The following SLC25A24 variants were observed in gnomAD, a reference collection of about 807,000 sequenced individuals.
The protein encoded by SLC25A24 is mitochondrial adenyl nucleotide antiporter SLC25A24.
A neutral mutation model predicts 60.7 loss-of-function variants in SLC25A24; 49 were observed. The observed-to-expected ratio is 0.81, with a 90% CI of 0.64 to 1.02. The LOEUF (loss-of-function observed/expected upper bound fraction) is 1.02, where lower values mean the gene tolerates loss of function less well. Ranked by LOEUF, SLC25A24 falls within the 50% of genes least tolerant of loss-of-function variation. SLC25A24 has a pLI of 0.00. For synonymous variants in SLC25A24, 202 were observed against 200.6 expected (o/e 1.01, Z -0.06); for missense variants, 564 against 586.3 (o/e 0.96, Z 0.39).
intron 3 of SLC25A24, among the ~76,000 whole-genome samples, chr1:108,168,967 G>A (rs529417290): frequency 6.6e-6 from 1 of 152,236 alleles, no homozygotes; most frequent in South Asian, 2.1e-4. Flanking sequence ...AGCTGTTATA[G>A]TTTAACTTTC....
intron 3 of SLC25A24, among the ~76,000 whole-genome samples, chr1:108,175,612 C>T (rs1486651415): frequency 6.6e-6 from 1 of 151,926 alleles, no homozygotes; most frequent in African/African-American, 2.4e-5. Flanking sequence ...ATCAATTGAG[C>T]CAGGGAAGTT....
chr1:108,171,194 A>G (rs1647448495), intron 3 of SLC25A24, among the ~76,000 whole-genome samples: 1 of 151,978 alleles, frequency 6.6e-6, no homozygotes. Flanking sequence ...ATACTCAACT[A>G]CTACAGTTTC....
chr1:108,158,722 G>T (rs61797040), intron 4 of SLC25A24, among the ~76,000 whole-genome samples: 1 of 142,040 alleles, frequency 7.0e-6, no homozygotes, highest in African/African-American at 2.6e-5. Flanking sequence ...AAAAAAAAAG[G>T]CCGGGCACAG....
rs553258453 is a variant in SLC25A24, at chr1:108,141,954, A to G, written c.1098+1589T>C. On this transcript the variant is annotated intron_variant, in intron 8 of 9. Coordinates refer to ENST00000565488, the MANE Select transcript of SLC25A24 (RefSeq NM_013386.5). ...TTGCACAACAAACCACAAACAGTTA[A>G]CACTTACTGTACTATATATTTAAAA... Among the ~76,000 whole-genome samples, 396 of 152,330 alleles carry G rather than the reference A, an allele frequency of 2.6e-3. 1 individual carries two copies. Among genetic ancestry groups the G allele is most frequent in the African/African-American group, 9.0e-3 (376 of 41,564 alleles).
chr1:108,180,621 T>C (rs1241971161), intron 3 of SLC25A24, among the ~76,000 whole-genome samples: 1 of 4,852 alleles, frequency 2.1e-4, no homozygotes, highest in African/African-American at 4.0e-4. Context: ...GAAAGATCTC[T>C]CTCTCTCTCT....
At chr1:108,136,871 C>A in intron 9 of SLC25A24, 34 bp from the exon 10 acceptor site, 1 of 1,563,712 alleles carries the variant, frequency 6.4e-7, no homozygotes, top group South Asian at 1.1e-5. Context: ...ATTTAATATT[C>A]AAGTATGTTT....
In SLC25A24 at chr1:108,184,393, G is replaced by C. The variant is rs1268742312; in HGVS notation, c.310+1435C>G. On this transcript the variant is annotated intron_variant, in intron 2 of 9. Coordinates refer to ENST00000565488, the MANE Select transcript of SLC25A24 (RefSeq NM_013386.5). ...GAAAGAAAACTGAGTTTTGCTAGAA[G>C]ACTGGACTAAGGCTAGACTTAGGGG... is the stretch of plus-strand genomic sequence containing the variant. Among the ~76,000 whole-genome samples the C allele has an allele frequency of 2.6e-5, 4 of 152,324 alleles. No individual in the cohort carries two copies. In the East Asian group the frequency reaches 5.8e-4, roughly 22 times the overall value.
At position 108,148,355 on chromosome 1, in the gene SLC25A24, T is replaced by A; in HGVS notation, c.854A>T (p.Lys285Ile). The part of the protein sequence containing the change: ...YKKLLTEEGQ[K>I]IGTFERFISG... ...AATAAATCTCTCAAATGTTCCTATT[T>A]TTTGTCCTTCTTCAGTAAGTAACTT... Residue 285 changes from lysine to isoleucine, a missense_variant, in exon 7 of 10, where the codon AAA becomes ATA. Physicochemically the swap from Lys to Ile is moderately radical, Grantham distance 102. Transcript: ENST00000565488. 1 of 1,612,774 alleles carries A rather than the reference T, an allele frequency of 6.2e-7. No individual in the cohort carries two copies. The highest frequency in any genetic ancestry group is 1.1e-5 in the South Asian group (1 of 91,052).
In SLC25A24 at chr1:108,200,208, A is replaced by G; in HGVS notation, c.-70T>C. 7.0e-7 allele frequency: 1 copy of G among 1,419,336 alleles called. No individual in the cohort carries two copies. The highest frequency in any genetic ancestry group is 9.3e-7 in the Non-Finnish European group (1 of 1,080,668). 87.9% of individuals were successfully genotyped at this position (1,419,336 alleles called of 1,614,324 possible). A position where few individuals can be genotyped will look rare whatever the true frequency, so the allele number is the denominator to read the frequency against. ...TCGAGGGCTGCGGGGCGAGACCGGG[A>G]CCAGCGCGAGGCCGGGCTGGGCGGG... On this transcript the variant is annotated 5_prime_UTR_variant, in exon 1 of 10. Coordinates refer to ENST00000565488, the MANE Select transcript of SLC25A24 (RefSeq NM_013386.5).
intron 8 of SLC25A24, among the ~76,000 whole-genome samples, chr1:108,140,738 T>C (rs1679422302): frequency 1.3e-5 from 2 of 151,100 alleles, no homozygotes; most frequent in African/African-American, 4.9e-5. Context: ...ATGCTTTATG[T>C]AGTTGCAATG....
intron 1 of SLC25A24, among the ~76,000 whole-genome samples, chr1:108,197,252 C>T (rs1209708382): frequency 6.6e-6 from 1 of 152,134 alleles, no homozygotes; most frequent in Admixed American, 6.5e-5. Flanking sequence ...ACATTCTACT[C>T]TTATTTCTAC....
At position 108,155,155 on chromosome 1, in the gene SLC25A24, G is replaced by A; in HGVS notation, c.670-20C>T. 6.3e-7 allele frequency: 1 copy of A among 1,598,316 alleles called. No individual in the cohort carries two copies. The highest frequency in any genetic ancestry group is 8.5e-7 in the Non-Finnish European group (1 of 1,171,912). ...GTGAACCTAAAAATAAAAGCAGAAT[G>A]ATATAAAATGCTGGTGGCATATTAC... On this transcript the variant is annotated intron_variant, in intron 5 of 9. Transcript: ENST00000565488.
chr1:108,159,268 C>T (rs191105297), intron 4 of SLC25A24, among the ~76,000 whole-genome samples: 235 of 152,216 alleles, frequency 1.5e-3, no homozygotes, highest in South Asian at 3.9e-3. Context: ...TCTGACCAAA[C>T]AAGGACACAG....
chr1:108,151,411 T>G (rs976258710), intron 6 of SLC25A24, among the ~76,000 whole-genome samples: 2 of 152,182 alleles, frequency 1.3e-5, no homozygotes, highest in African/African-American at 4.8e-5. Context: ...ATTTCATTAC[T>G]TCACAGAAGC....
intron 3 of SLC25A24, among the ~76,000 whole-genome samples, chr1:108,161,762 A>G (rs551902706): frequency 6.6e-6 from 1 of 152,308 alleles, no homozygotes; most frequent in South Asian, 2.1e-4. Context: ...AGCTATTATA[A>G]AAAATCAAAC....
intron 3 of SLC25A24, among the ~76,000 whole-genome samples, chr1:108,167,430 A>G (rs1327733638): frequency 6.6e-6 from 1 of 152,166 alleles, no homozygotes; most frequent in African/African-American, 2.4e-5. Flanking sequence ...CTGCTGTGCT[A>G]GCAATCAGCG....
chr1:108,192,604 T>C, intron 1 of SLC25A24: 1 of 1,497,354 alleles, frequency 6.7e-7, no homozygotes, highest in Middle Eastern at 1.7e-4. Flanking sequence ...AAAAGAGATC[T>C]CCGTAGAGGG....
rs955977777 is a variant in SLC25A24, at chr1:108,134,904, G to A, written c.*1749C>T. The stretch of plus-strand genomic sequence containing the variant: ...CAGAAATATACTATCTTCAACTCTC[G>A]GCTTTTTTCCAAAAGATACAGAATC... On this transcript the variant is annotated 3_prime_UTR_variant, in exon 10 of 10. Coordinates refer to ENST00000565488, the MANE Select transcript of SLC25A24 (RefSeq NM_013386.5). 5 of 151,788 alleles carry A rather than the reference G, an allele frequency of 3.3e-5. No individual in the cohort carries two copies. The highest frequency in any genetic ancestry group is 1.9e-4 in the East Asian group (1 of 5,162). 9.4% of individuals were successfully genotyped at this position (151,788 alleles called of 1,614,324 possible).
Position 108,186,544 on chromosome 1 carries a change from G to C in SLC25A24, c.184-590C>G, listed in dbSNP as rs539120436. Among the ~76,000 whole-genome samples the C allele has an allele frequency of 4.6e-5, 7 of 152,222 alleles. No individual in the cohort carries two copies. The East Asian group carries it at 1.2e-3, about 25-fold the overall frequency. Reference sequence around the variant, plus strand: ...GCATTCTAACCTGGTGACAGAGCAAGACCCTGTCTCTAAAAAAGAAAGAAA... The same window carrying C: ...GCATTCTAACCTGGTGACAGAGCAACACCCTGTCTCTAAAAAAGAAAGAAA... On this transcript the variant is annotated intron_variant, in intron 1 of 9. Transcript: ENST00000565488.
Sources: allele counts gnomAD v4.1 joint callset (sites outside exome capture counted in the v4.1 genomes callset), GRCh38; gene constraint gnomAD v4.1.1; transcripts MANE v1.5; gene names NCBI Gene and HGNC (gene_info 2026-07-23, HGNC 2026-07-21).